Variants in GREB1L observed in about 807,000 individuals in gnomAD.
GREB1L encodes the protein GREB1-like protein.
Under a neutral mutation model 200.8 loss-of-function variants are expected in GREB1L, and 17 were observed. The observed-to-expected ratio is 0.08, with a 90% CI of 0.06 to 0.13. The LOEUF (loss-of-function observed/expected upper bound fraction) is 0.13. Among genes scored for constraint, GREB1L ranks in the 10% least tolerant of loss-of-function variants. The pLI is 1.00. For missense variants in GREB1L, 1,657 were observed against 2,367.7 expected (o/e 0.70, Z 6.23); for synonymous variants, 789 against 893.0 (o/e 0.88, Z 2.08).
chr18:21,306,577 C>T (rs2038704366), intron 1 of GREB1L, among the ~76,000 whole-genome samples: 1 of 152,184 alleles, frequency 6.6e-6, no homozygotes, highest in African/African-American at 2.4e-5. Flanking sequence ...GTGGTAAGTA[C>T]TCATTACAAT....
intron 1 of GREB1L, among the ~76,000 whole-genome samples, chr18:21,343,793 TG>T (rs2039303119): frequency 6.8e-6 from 1 of 147,246 alleles, no homozygotes; most frequent in Admixed American, 7.0e-5. Context: ...TGGAGTGCAG[TG>T]GCACTGTCTT....
chr18:21,446,643 TTTATTTATTTA>T (rs2034239262), intron 11 of GREB1L, among the ~76,000 whole-genome samples: 1 of 152,160 alleles, frequency 6.6e-6, no homozygotes, highest in African/African-American at 2.4e-5. Context: ...TCTGGAGTCC[TTTATTTATTTA>T]TTATTTATTT....
chr18:21,285,514 G>A (rs2038341304), intron 1 of GREB1L, among the ~76,000 whole-genome samples: 1 of 152,114 alleles, frequency 6.6e-6, no homozygotes, highest in African/African-American at 2.4e-5. Context: ...GGAGAGTAGT[G>A]GAAAATGAGA....
At chr18:21,501,220 G>A (rs2036777636) in intron 23 of GREB1L, among the ~76,000 whole-genome samples, 1 of 151,346 alleles carries the variant, frequency 6.6e-6, no homozygotes, top group South Asian at 2.1e-4. Flanking sequence ...CGAGGTGCTG[G>A]GCAAAAAGGC....
At chr18:21,450,450 C>G (rs1044568669) in intron 12 of GREB1L, among the ~76,000 whole-genome samples, 1 of 152,196 alleles carries the variant, frequency 6.6e-6, no homozygotes, top group Non-Finnish European at 1.5e-5. Context: ...GCTAAGAAAA[C>G]CCCCTCACTT....
At chr18:21,511,944 C>T (rs2037254307) in intron 27 of GREB1L, among the ~76,000 whole-genome samples, 2 of 152,258 alleles carry the variant, frequency 1.3e-5, no homozygotes, top group Middle Eastern at 3.4e-3. Context: ...CGTGCCCAGC[C>T]CCCAACTGTG....
chr18:21,373,048 C>A (rs2039941658), intron 2 of GREB1L, among the ~76,000 whole-genome samples: 1 of 151,926 alleles, frequency 6.6e-6, no homozygotes, highest in Admixed American at 6.6e-5. Context: ...ATTGGACACC[C>A]CTGTTCTAGA....
chr18:21,467,408 T>G (rs2035299010), intron 15 of GREB1L, among the ~76,000 whole-genome samples: 1 of 152,112 alleles, frequency 6.6e-6, no homozygotes, highest in Admixed American at 6.5e-5. Context: ...AAAAGACAAA[T>G]TGTTTAATTA....
intron 1 of GREB1L, among the ~76,000 whole-genome samples, chr18:21,256,464 A>AT (rs746690491): frequency 6.6e-4 from 100 of 152,242 alleles, no homozygotes; most frequent in Non-Finnish European, 1.1e-3. Context: ...GGTGAGGAAT[A>AT]TTTCTCTTTG....
At chr18:21,437,797 C>A (rs2033641491) in intron 7 of GREB1L, among the ~76,000 whole-genome samples, 1 of 152,090 alleles carries the variant, frequency 6.6e-6, no homozygotes, top group Non-Finnish European at 1.5e-5. Flanking sequence ...GTATGTGCAT[C>A]TTTTTTGAGT....
At chr18:21,464,668 C>A (rs758068909) in intron 15 of GREB1L, among the ~76,000 whole-genome samples, 1 of 151,768 alleles carries the variant, frequency 6.6e-6, no homozygotes, top group Non-Finnish European at 1.5e-5. Context: ...GCAGTAGACA[C>A]TGCCATAACC....
intron 15 of GREB1L, among the ~76,000 whole-genome samples, chr18:21,470,067 T>C (rs2035419251): frequency 6.6e-6 from 1 of 152,072 alleles, no homozygotes; most frequent in South Asian, 2.1e-4. Flanking sequence ...GGAGGACTGC[T>C]TGAGGCCAGG....
At chr18:21,513,746 AGCTGCCTGTGG>A in intron 27 of GREB1L, 64 bp from the exon 28 acceptor site, 3 of 1,361,292 alleles carry the variant, frequency 2.2e-6, no homozygotes, top group Non-Finnish European at 3.0e-6. Context: ...GAGAGAATAT[AGCTGCCTGTGG>A]GGCTTCAGCC....
At chr18:21,499,701 G>T in intron 21 of GREB1L, 28 bp from the exon 22 acceptor site, 1 of 1,476,634 alleles carries the variant, frequency 6.8e-7, no homozygotes, top group South Asian at 1.2e-5. Context: ...GAGCTGCTGT[G>T]GGGTGGGTTC....
At chr18:21,498,476 G>A (rs183931554) in intron 21 of GREB1L, among the ~76,000 whole-genome samples, 2 of 152,198 alleles carry the variant, frequency 1.3e-5, no homozygotes, top group African/African-American at 4.8e-5. Context: ...GTTCACAGAA[G>A]GGGGGTGGGG....
chr18:21,324,419 A>G (rs2038992970), intron 1 of GREB1L, among the ~76,000 whole-genome samples: 1 of 152,240 alleles, frequency 6.6e-6, no homozygotes, highest in Admixed American at 6.5e-5. Flanking sequence ...GCATTTTTAT[A>G]TGAGAAAATA....
intron 7 of GREB1L, among the ~76,000 whole-genome samples, chr18:21,425,904 G>T (rs1041800683): frequency 2.6e-5 from 4 of 151,998 alleles, no homozygotes; most frequent in Non-Finnish European, 5.9e-5. Flanking sequence ...ACTAATTCAT[G>T]TATATTTTCT....
intron 1 of GREB1L, among the ~76,000 whole-genome samples, chr18:21,243,929 C>T (rs2037552295): frequency 6.6e-6 from 1 of 152,170 alleles, no homozygotes; most frequent in African/African-American, 2.4e-5. Context: ...TCATCCTTCT[C>T]AGAGGCAGCC....
At chr18:21,433,544 T>C (rs554668143) in intron 7 of GREB1L, among the ~76,000 whole-genome samples, 3 of 152,344 alleles carry the variant, frequency 2.0e-5, no homozygotes, top group South Asian at 2.1e-4. Context: ...CATCTTCAGT[T>C]TCCCACAACT....
Sources: gnomAD v4.1 joint callset for allele counts (sites outside exome capture counted in the v4.1 genomes callset) on GRCh38, gnomAD v4.1.1 for gene constraint, MANE v1.5 for transcripts, NCBI Gene and HGNC (gene_info 2026-07-23, HGNC 2026-07-21) for gene names.